Variants in STAU2 observed in about 807,000 individuals in gnomAD.
STAU2 encodes the protein double-stranded RNA-binding protein Staufen homolog 2.
Under a neutral mutation model 65.9 loss-of-function variants are expected in STAU2, and 20 were observed. The observed-to-expected ratio is 0.30, with a 90% confidence interval of 0.21 to 0.44. The LOEUF (loss-of-function observed/expected upper bound fraction) is 0.44. STAU2 is among the 20% of genes least tolerant of loss of function. The pLI is 1.00. For synonymous variants in STAU2, 232 were observed against 233.9 expected, an observed-to-expected ratio of 0.99 and a Z score of 0.07; for missense variants, 558 against 683.9, an observed-to-expected ratio of 0.82 and a Z score of 2.05.
intron 13 of STAU2, among the ~76,000 whole-genome samples, chr8:73,532,122 A>G (rs1264841813): frequency 2.0e-5 from 3 of 152,224 alleles, no homozygotes; most frequent in Admixed American, 6.5e-5. Context: ...ACTAACCAAC[A>G]TTAACATTGA....
intron 13 of STAU2, among the ~76,000 whole-genome samples, chr8:73,443,303 C>T (rs530457539): frequency 6.6e-5 from 10 of 152,262 alleles, no homozygotes; most frequent in Non-Finnish European, 1.2e-4. Context: ...GAGGGAGAAG[C>T]GGTTTCTAAA....
chr8:73,578,346 A>G (rs949928694), intron 12 of STAU2, among the ~76,000 whole-genome samples: 2 of 152,212 alleles, frequency 1.3e-5, no homozygotes, highest in African/African-American at 4.8e-5. Flanking sequence ...TGGTATGACT[A>G]AAACAGAGGC....
chr8:73,654,927 T>G (rs891290589), intron 6 of STAU2, among the ~76,000 whole-genome samples: 5 of 152,034 alleles, frequency 3.3e-5, no homozygotes, highest in Admixed American at 6.5e-5. Flanking sequence ...CCTCGTGATC[T>G]GCCCGTCTCG....
chr8:73,532,322 G>A (rs540708221), intron 13 of STAU2, among the ~76,000 whole-genome samples: 25 of 152,242 alleles, frequency 1.6e-4, no homozygotes, highest in Admixed American at 1.1e-3. Flanking sequence ...TACCTTGTGC[G>A]GGGAACGTGC....
chr8:73,527,891 C>CAGGAAAATTCAAATAATTTAA (rs1805547636), intron 13 of STAU2: 1 of 525,416 alleles, frequency 1.9e-6, no homozygotes. Flanking sequence ...GTCTAGATTT[C>CAGGAAAATTCAAATAATTTAA]ACAGAACACA....
In STAU2 at chr8:73,420,739, C is replaced by T. The variant is rs557115153; in HGVS notation, c.*633G>A. 3 of 156,006 alleles carry T rather than the reference C, an allele frequency of 1.9e-5. No homozygotes were observed. The highest frequency in any genetic ancestry group is 7.2e-5 in the African/African-American group (3 of 41,490). 9.7% of individuals were successfully genotyped at this position (156,006 alleles called of 1,614,324 possible). A position where few individuals can be genotyped will look rare whatever the true frequency, so the allele number is the denominator to read the frequency against. On this transcript the variant is annotated 3_prime_UTR_variant, in exon 15 of 15. Coordinates refer to ENST00000524300, the MANE Select transcript of STAU2 (RefSeq NM_001164380.2). The stretch of plus-strand genomic sequence containing the variant: ...TCCTGGAGTATGTTGAAACTACTTG[C>T]TCTTAACATTAGTTCGTATTTTTCA...
chr8:73,574,455 A>G (rs1236141286), intron 12 of STAU2, among the ~76,000 whole-genome samples: 1 of 152,214 alleles, frequency 6.6e-6, no homozygotes, highest in African/African-American at 2.4e-5. Flanking sequence ...ACACATGCAC[A>G]TGTATGCTTA....
At chr8:73,658,931 C>CAA (rs1465333125) in intron 6 of STAU2, among the ~76,000 whole-genome samples, 4 of 52,296 alleles carry the variant, frequency 7.6e-5, no homozygotes, top group Non-Finnish European at 1.8e-4. Flanking sequence ...ACAACAACAA[C>CAA]AACAAAAACA....
chr8:73,733,507 G>C (rs71527229), intron 3 of STAU2, among the ~76,000 whole-genome samples: 1 of 152,056 alleles, frequency 6.6e-6, no homozygotes, highest in East Asian at 1.9e-4. Flanking sequence ...TACCATACTG[G>C]TAAATATTAT....
At chr8:73,508,315 T>C (rs1822184872) in intron 13 of STAU2, among the ~76,000 whole-genome samples, 1 of 152,178 alleles carries the variant, frequency 6.6e-6, no homozygotes, top group Non-Finnish European at 1.5e-5. Context: ...GGGTTATTAA[T>C]TGGCCTCATT....
intron 5 of STAU2, among the ~76,000 whole-genome samples, chr8:73,676,639 A>G (rs970511149): frequency 1.3e-5 from 2 of 152,250 alleles, no homozygotes; most frequent in Non-Finnish European, 2.9e-5. Flanking sequence ...GCTCTCACCC[A>G]GGCTAGAGTG....
intron 4 of STAU2, among the ~76,000 whole-genome samples, chr8:73,704,013 C>T (rs553327251): frequency 2.3e-4 from 35 of 152,272 alleles, no homozygotes; most frequent in African/African-American, 7.7e-4. Flanking sequence ...CATTTCCCTT[C>T]CACTATCCTC....
chr8:73,461,295 T>C (rs1476362361), intron 13 of STAU2, among the ~76,000 whole-genome samples: 1 of 152,168 alleles, frequency 6.6e-6, no homozygotes, highest in Non-Finnish European at 1.5e-5. Context: ...AAACAGCTCA[T>C]GAGCTAGTGG....
At chr8:73,649,084 G>A (rs191150954) in intron 6 of STAU2, among the ~76,000 whole-genome samples, 175 of 152,236 alleles carry the variant, frequency 1.1e-3, no homozygotes, top group Non-Finnish European at 1.9e-3. Flanking sequence ...GGGCCACCAG[G>A]CCAGCCTCCA....
intron 5 of STAU2, among the ~76,000 whole-genome samples, chr8:73,674,057 T>C (rs1358489212): frequency 6.6e-6 from 1 of 151,074 alleles, no homozygotes; most frequent in Non-Finnish European, 1.5e-5. Context: ...TTATCTTTTG[T>C]CTAAGAAAGG....
chr8:73,561,189 T>C (rs1808199082), intron 12 of STAU2, among the ~76,000 whole-genome samples: 1 of 152,186 alleles, frequency 6.6e-6, no homozygotes, highest in South Asian at 2.1e-4. Context: ...GTGCACATTG[T>C]ATATGACTCA....
At chr8:73,744,502 A>G (rs919492810) in intron 1 of STAU2, among the ~76,000 whole-genome samples, 11 of 151,550 alleles carry the variant, frequency 7.3e-5, no homozygotes, top group African/African-American at 2.7e-4. Flanking sequence ...AAAAAAAAAA[A>G]CCTACCATAT....
chr8:73,693,685 C>T (rs1464465580), intron 4 of STAU2, among the ~76,000 whole-genome samples: 1 of 152,148 alleles, frequency 6.6e-6, no homozygotes, highest in Non-Finnish European at 1.5e-5. Context: ...CTTAAGATTC[C>T]TACTACAGTA....
chr8:73,675,052 A>C (rs1013038470), intron 5 of STAU2, among the ~76,000 whole-genome samples: 59 of 151,578 alleles, frequency 3.9e-4, no homozygotes, highest in Non-Finnish European at 7.7e-4. Flanking sequence ...GCCACAAAAC[A>C]AGTCACAGTA....
Sources: gnomAD v4.1 joint callset for allele counts (sites outside exome capture counted in the v4.1 genomes callset) on GRCh38, gnomAD v4.1.1 for gene constraint, MANE v1.5 for transcripts, NCBI Gene and HGNC (gene_info 2026-07-23, HGNC 2026-07-21) for gene names.